PCDHA5: variants seen among roughly 807,000 people sequenced by gnomAD.
PCDHA5 encodes the protein protocadherin alpha 5.
A neutral mutation model predicts 61.6 loss-of-function variants in PCDHA5; 43 were observed. The observed-to-expected ratio is 0.70, with a 90% CI of 0.55 to 0.90. PCDHA5 has a LOEUF of 0.90. Among genes scored for constraint, PCDHA5 ranks in the 40% least tolerant of loss-of-function variants. The probability of loss-of-function intolerance (pLI) is 0.00; values close to 1 mark genes in which losing one functional copy is unlikely to be tolerated. For synonymous variants in PCDHA5, 627 were observed against 543.9 expected (o/e 1.15, Z -2.13); for missense variants, 1,298 against 1,222.7 (o/e 1.06, Z -0.92).
chr5:140,894,821 C>A (rs1303468240), intron 1 of PCDHA5, among the ~76,000 whole-genome samples: 1 of 151,806 alleles, frequency 6.6e-6, no homozygotes, highest in African/African-American at 2.4e-5. Flanking sequence ...TCAGATTTGC[C>A]CATAATCCTT....
chr5:140,975,207 G>A (rs2096658071), intron 1 of PCDHA5, among the ~76,000 whole-genome samples: 1 of 152,180 alleles, frequency 6.6e-6, no homozygotes. Flanking sequence ...CTTCATGGCT[G>A]GCACTGGAGA....
At position 140,829,859 on chromosome 5, in the gene PCDHA5, G is replaced by A. The variant is rs2150176388; in HGVS notation, c.2352+5732G>A. ...GCCGCGGTCACTGGGTGCAGGCCAAGTGGTGGCGAAGGTGCGCGCAGTTGA... is the reference window on the plus strand; with the variant it reads ...GCCGCGGTCACTGGGTGCAGGCCAAATGGTGGCGAAGGTGCGCGCAGTTGA... On this transcript the variant is annotated intron_variant, in intron 1 of 3. Coordinates refer to ENST00000529859, the MANE Select transcript of PCDHA5 (RefSeq NM_018908.3). 2.5e-6 allele frequency: 4 copies of A among 1,613,860 alleles called. No individual in the cohort carries two copies. In the African/African-American group the frequency reaches 4.0e-5, roughly 16 times the overall value.
At chr5:140,961,342 A>AC (rs2095605510) in intron 1 of PCDHA5, among the ~76,000 whole-genome samples, 1 of 152,164 alleles carries the variant, frequency 6.6e-6, no homozygotes, top group South Asian at 2.1e-4. Flanking sequence ...CCAAGAGTGG[A>AC]TCCCTGTAGT....
At chr5:140,998,122 A>G (rs2097797315) in intron 3 of PCDHA5, among the ~76,000 whole-genome samples, 1 of 152,214 alleles carries the variant, frequency 6.6e-6, no homozygotes, top group Admixed American at 6.5e-5. Flanking sequence ...TTACTTGTGA[A>G]TCATAATAGC....
intron 1 of PCDHA5, chr5:140,875,191 C>A: frequency 4.0e-6 from 2 of 502,492 alleles, no homozygotes; most frequent in Non-Finnish European, 6.4e-6. Flanking sequence ...TAAGAGTGAC[C>A]CAGGAAGTGG....
chr5:140,928,540 G>T lies in PCDHA5; in HGVS notation c.2353-50409G>T, dbSNP rs1554205973. 4 of 1,614,094 alleles carry T rather than the reference G, an allele frequency of 2.5e-6. No homozygotes were observed. In the Admixed American group the frequency reaches 5.0e-5, roughly 20 times the overall value. On this transcript the variant is annotated intron_variant, in intron 1 of 3. Coordinates refer to ENST00000529859, the MANE Select transcript of PCDHA5 (RefSeq NM_018908.3). The stretch of plus-strand genomic sequence containing the variant: ...AAACTTGTTTGTGGTAGATAGGAAT[G>T]ACAATTATCCGGTTATCTTGTTTCC...
chr5:140,886,827 GA>G (rs782016620), intron 1 of PCDHA5, among the ~76,000 whole-genome samples: 1,709 of 60,916 alleles, frequency 0.028, 12 homozygotes, highest in African/African-American at 0.032. Flanking sequence ...ACTTCGTCTT[GA>G]AAAAAAAAAA....
intron 1 of PCDHA5, among the ~76,000 whole-genome samples, chr5:140,937,072 C>G (rs1321046541): frequency 7.0e-6 from 1 of 143,792 alleles, no homozygotes; most frequent in East Asian, 2.0e-4. Flanking sequence ...GAGTCTCGCT[C>G]TGTCGCCCAG....
intron 3 of PCDHA5, among the ~76,000 whole-genome samples, chr5:140,994,127 A>T (rs536865883): frequency 6.6e-6 from 1 of 152,348 alleles, no homozygotes; most frequent in South Asian, 2.1e-4. Flanking sequence ...GATAAGGGCG[A>T]CAATAATGCC....
intron 1 of PCDHA5, chr5:140,859,616 C>G (rs978716581): frequency 6.2e-6 from 1 of 162,228 alleles, no homozygotes; most frequent in Non-Finnish European, 1.3e-5. Flanking sequence ...TCTTTCCTTT[C>G]TCTTTGAGTA....
intron 1 of PCDHA5, among the ~76,000 whole-genome samples, chr5:140,953,146 A>G (rs1554220822): frequency 6.6e-6 from 1 of 152,152 alleles, no homozygotes; most frequent in Non-Finnish European, 1.5e-5. Context: ...TTATATTTCT[A>G]TGAAGGGTGT....
At chr5:140,870,081 T>A (rs782572380) in intron 1 of PCDHA5, 1 of 1,613,698 alleles carries the variant, frequency 6.2e-7, no homozygotes, top group East Asian at 2.2e-5. Flanking sequence ...ATAAGGGGAC[T>A]CCCCCAATGG....
chr5:140,953,901 A>G (rs1354951706), intron 1 of PCDHA5, among the ~76,000 whole-genome samples: 1 of 152,156 alleles, frequency 6.6e-6, no homozygotes, highest in Admixed American at 6.5e-5. Flanking sequence ...TATTAAGCCC[A>G]GCATCCATTA....
At chr5:140,927,533 C>T in intron 1 of PCDHA5, 1 of 1,614,102 alleles carries the variant, frequency 6.2e-7, no homozygotes, top group Non-Finnish European at 8.5e-7. Flanking sequence ...CCTGCCCGCT[C>T]AGGAGACGCA....
intron 1 of PCDHA5, among the ~76,000 whole-genome samples, chr5:140,909,973 G>A (rs2074802854): frequency 6.6e-6 from 1 of 152,198 alleles, no homozygotes; most frequent in Admixed American, 6.5e-5. Context: ...GGGGAAGGAT[G>A]GGAGAAAGAC....
At chr5:140,879,799 G>C (rs1165330277) in intron 1 of PCDHA5, among the ~76,000 whole-genome samples, 5 of 152,188 alleles carry the variant, frequency 3.3e-5, no homozygotes, top group Non-Finnish European at 7.3e-5. Flanking sequence ...GTTTCTTCCA[G>C]TTTCTATTGG....
chr5:140,887,201 A>G (rs1331832646), intron 1 of PCDHA5, among the ~76,000 whole-genome samples: 1 of 150,710 alleles, frequency 6.6e-6, no homozygotes, highest in Non-Finnish European at 1.5e-5. Context: ...GGTTCACGCC[A>G]TTCTCCTGCC....
chr5:140,829,861 G>T lies in PCDHA5; in HGVS notation c.2352+5734G>T, dbSNP rs200510937. 1.7e-5 allele frequency: 27 copies of T among 1,613,838 alleles called. No individual in the cohort carries two copies. The East Asian group carries it at 5.6e-4, about 33-fold the overall frequency. ...CGCGGTCACTGGGTGCAGGCCAAGT[G>T]GTGGCGAAGGTGCGCGCAGTTGACG... On this transcript the variant is annotated intron_variant, in intron 1 of 3. Transcript: ENST00000529859.
At chr5:140,966,490 T>G (rs533525977) in intron 1 of PCDHA5, 2 of 437,964 alleles carry the variant, frequency 4.6e-6, no homozygotes, top group Non-Finnish European at 7.9e-6. Flanking sequence ...TCCCTCCCCC[T>G]GGAGCTGTAG....
Sources: allele counts gnomAD v4.1 joint callset (sites outside exome capture counted in the v4.1 genomes callset), GRCh38; gene constraint gnomAD v4.1.1; transcripts MANE v1.5; gene names NCBI Gene and HGNC (gene_info 2026-07-23, HGNC 2026-07-21).